IL1RAPL2: variants seen among roughly 807,000 people sequenced by gnomAD.
IL1RAPL2 encodes X-linked interleukin-1 receptor accessory protein-like 2.
Under a neutral mutation model 44.1 loss-of-function variants are expected in IL1RAPL2, and 3 were observed. That is an observed-to-expected ratio of 0.07 (90% CI 0.03 to 0.18). The LOEUF is 0.18. Ranked by LOEUF, IL1RAPL2 falls within the 10% of genes least tolerant of loss-of-function variation. The pLI, the probability that IL1RAPL2 is intolerant of heterozygous loss-of-function variation, is 1.00. For synonymous variants in IL1RAPL2, 181 were observed against 178.8 expected, an observed-to-expected ratio of 1.01 and a Z score of -0.10; for missense variants, 391 against 496.4, an observed-to-expected ratio of 0.79 and a Z score of 2.02.
intron 5 of IL1RAPL2, among the ~76,000 whole-genome samples, chrX:105,371,971 C>T (rs2035344342): frequency 9.0e-6 from 1 of 111,360 alleles, no homozygotes; most frequent in Non-Finnish European, 1.9e-5. Flanking sequence ...TTCAGGATGA[C>T]CCCTAAATCT....
At chrX:105,127,979 C>T (rs1028206196) in intron 2 of IL1RAPL2, among the ~76,000 whole-genome samples, 1 of 110,853 alleles carries the variant, frequency 9.0e-6, no homozygotes, top group Admixed American at 9.6e-5. Flanking sequence ...TTTTATAATA[C>T]ATATAGTACT....
intron 2 of IL1RAPL2, among the ~76,000 whole-genome samples, chrX:104,927,198 C>T (rs1924793741): frequency 9.0e-6 from 1 of 111,546 alleles, no homozygotes; most frequent in Admixed American, 9.5e-5. Context: ...TTCCGAAGCC[C>T]ACTCCTCTTC....
At chrX:105,257,923 T>C (rs1198476040) in intron 4 of IL1RAPL2, among the ~76,000 whole-genome samples, 1 of 111,797 alleles carries the variant, frequency 8.9e-6, no homozygotes, top group Non-Finnish European at 1.9e-5. Flanking sequence ...ATTTAGCTCT[T>C]CTACATTCAA....
At chrX:104,954,406 A>G (rs1273901553) in intron 2 of IL1RAPL2, among the ~76,000 whole-genome samples, 1 of 112,870 alleles carries the variant, frequency 8.9e-6, no homozygotes, top group Non-Finnish European at 1.9e-5. Flanking sequence ...TGTGCTAGAA[A>G]TATAGTGACA....
chrX:104,634,217 T>A (rs1376245639), intron 1 of IL1RAPL2, among the ~76,000 whole-genome samples: 1 of 111,789 alleles, frequency 8.9e-6, no homozygotes, highest in Non-Finnish European at 1.9e-5. Flanking sequence ...GACAGTTTGT[T>A]ATAATTTCTG....
intron 5 of IL1RAPL2, among the ~76,000 whole-genome samples, chrX:105,417,203 G>A (rs1443216278): frequency 8.9e-6 from 1 of 112,683 alleles, no homozygotes; most frequent in Non-Finnish European, 1.9e-5. Flanking sequence ...GCCGGGCGCA[G>A]TGGCTCCCGC....
At chrX:104,890,826 T>G (rs1009194403) in intron 2 of IL1RAPL2, among the ~76,000 whole-genome samples, 29 of 111,868 alleles carry the variant, frequency 2.6e-4, no homozygotes, top group African/African-American at 7.8e-4. Context: ...GTCAATTTTG[T>G]CTTTTGTTGC....
chrX:105,580,012 CA>C (rs1390497786), intron 6 of IL1RAPL2, among the ~76,000 whole-genome samples: 1 of 111,819 alleles, frequency 8.9e-6, no homozygotes, highest in Non-Finnish European at 1.9e-5. Flanking sequence ...CTCTCTGAAA[CA>C]CTGTAGCACA....
At chrX:104,941,817 G>C (rs1041096211) in intron 2 of IL1RAPL2, among the ~76,000 whole-genome samples, 1 of 111,731 alleles carries the variant, frequency 9.0e-6, no homozygotes, top group Non-Finnish European at 1.9e-5. Context: ...TTCTTCTAGG[G>C]TTTTTATGGT....
intron 2 of IL1RAPL2, among the ~76,000 whole-genome samples, chrX:104,980,152 A>T (rs764778154): frequency 8.9e-6 from 1 of 111,929 alleles, no homozygotes; most frequent in Non-Finnish European, 1.9e-5. Flanking sequence ...TTTAAAAAAT[A>T]AAGTAGATAG....
chrX:105,684,018 G>C (rs889393937), intron 6 of IL1RAPL2, among the ~76,000 whole-genome samples: 1 of 112,333 alleles, frequency 8.9e-6, no homozygotes, highest in African/African-American at 3.2e-5. Flanking sequence ...GATATCCAAT[G>C]ACTATCTATT....
intron 6 of IL1RAPL2, among the ~76,000 whole-genome samples, chrX:105,493,975 T>C (rs2036339426): frequency 1.8e-5 from 2 of 111,986 alleles, no homozygotes; most frequent in Non-Finnish European, 3.8e-5. Flanking sequence ...TATAAGAAAG[T>C]TTTCTGGAGG....
At chrX:104,905,112 T>G (rs1923946974) in intron 2 of IL1RAPL2, among the ~76,000 whole-genome samples, 1 of 111,722 alleles carries the variant, frequency 9.0e-6, no homozygotes, top group African/African-American at 3.3e-5. Flanking sequence ...TTTTGAGAAG[T>G]GTCTGTTCAT....
chrX:105,632,933 G>C (rs2037500687), intron 6 of IL1RAPL2, among the ~76,000 whole-genome samples: 1 of 111,820 alleles, frequency 8.9e-6, no homozygotes, highest in African/African-American at 3.2e-5. Flanking sequence ...TATCTTCTTT[G>C]CTGCCTAGAG....
chrX:105,767,193 G>C lies in IL1RAPL2; in HGVS notation c.1593G>C (p.Leu531=), dbSNP rs370363765. The C allele has an allele frequency of 1.7e-5, 20 of 1,211,032 alleles. No homozygotes were observed. The South Asian group carries it at 3.5e-4, about 21-fold the overall frequency. ...CACTAAAGCGTAGCATCAAACTTCT[G>C]TCCCTGATCAAGTGGAAGGGATCCA... ...VESLKRSIKL[L]SLIKWKGSKS... is the part of the protein sequence containing the mutation. The change falls in exon 11 of 11, where the codon CTG becomes CTC. Residue 531 remains leucine (L), a synonymous_variant. Transcript: ENST00000372582.
chrX:104,961,236 T>C (rs2030000421), intron 2 of IL1RAPL2, among the ~76,000 whole-genome samples: 2 of 111,689 alleles, frequency 1.8e-5, no homozygotes, highest in East Asian at 5.6e-4. Flanking sequence ...TGCTGACCTG[T>C]AGACTCAGAA....
intron 2 of IL1RAPL2, among the ~76,000 whole-genome samples, chrX:104,821,239 T>A (rs1921292715): frequency 9.0e-6 from 1 of 111,567 alleles, no homozygotes; most frequent in Admixed American, 9.6e-5. Context: ...CTTGTAAATC[T>A]GTTTTTTTTT....
At chrX:104,772,100 G>T (rs1208835621) in intron 2 of IL1RAPL2, among the ~76,000 whole-genome samples, 1 of 111,186 alleles carries the variant, frequency 9.0e-6, no homozygotes, top group Non-Finnish European at 1.9e-5. Flanking sequence ...AGAGGGATGG[G>T]CTAAAATACA....
At chrX:105,334,672 T>A (rs1366138593) in intron 5 of IL1RAPL2, among the ~76,000 whole-genome samples, 1 of 111,363 alleles carries the variant, frequency 9.0e-6, no homozygotes, top group East Asian at 2.8e-4. Flanking sequence ...AATAAAAATT[T>A]AAAAAATGCT....
Sources: allele counts gnomAD v4.1 joint callset (sites outside exome capture counted in the v4.1 genomes callset), GRCh38; gene constraint gnomAD v4.1.1; transcripts MANE v1.5; gene names NCBI Gene and HGNC (gene_info 2026-07-23, HGNC 2026-07-21).